Variants in KCNT2 observed in about 807,000 individuals in gnomAD.
KCNT2 encodes potassium sodium-activated channel subfamily T member 2, also known as potassium channel subfamily T member 2.
Under a neutral mutation model 153.8 loss-of-function variants are expected in KCNT2, and 67 were observed. The ratio of observed to expected loss-of-function variants is 0.44; its 90% confidence interval spans 0.36 to 0.53. The LOEUF (loss-of-function observed/expected upper bound fraction) is 0.53. KCNT2 is among the 20% of genes least tolerant of loss of function. The probability of loss-of-function intolerance (pLI) is 0.00; values close to 1 mark genes in which losing one functional copy is unlikely to be tolerated. For missense variants in KCNT2, 975 were observed against 1,354.8 expected, an observed-to-expected ratio of 0.72 and a Z score of 4.40; for synonymous variants, 500 against 458.8, an observed-to-expected ratio of 1.09 and a Z score of -1.15.
At chr1:196,284,248 A>AAAAAAAAAATATATATATATAT in intron 23 of KCNT2, among the ~76,000 whole-genome samples, 2 of 10,050 alleles carry the variant, frequency 2.0e-4, no homozygotes, top group African/African-American at 2.7e-4. Flanking sequence ...AAAAAAAAAA[A>AAAAAAAAAATATATATATATAT]ATATATATAT....
intron 13 of KCNT2, among the ~76,000 whole-genome samples, chr1:196,389,625 CAAATGAGA>C (rs1670298364): frequency 6.6e-6 from 1 of 151,642 alleles, no homozygotes; most frequent in Non-Finnish European, 1.5e-5. Context: ...TGTCAAACCT[CAAATGAGA>C]TTATAGATCA....
chr1:196,317,342 T>C (rs1662822722), intron 20 of KCNT2: 2 of 399,268 alleles, frequency 5.0e-6, no homozygotes, highest in Admixed American at 2.7e-5. Flanking sequence ...ATCCAACCAC[T>C]ATGATGACCT....
At chr1:196,426,467 T>A (rs566405989) in intron 10 of KCNT2, among the ~76,000 whole-genome samples, 1 of 151,980 alleles carries the variant, frequency 6.6e-6, no homozygotes, top group African/African-American at 2.4e-5. Flanking sequence ...AATATTTGAA[T>A]GAATAAGGAT....
At position 196,279,860 on chromosome 1, in the gene KCNT2, AC is replaced by A. The variant is rs564795706; in HGVS notation, c.2910+999del. Among the ~76,000 whole-genome samples, 16 of 152,116 alleles carry A rather than the reference AC, an allele frequency of 1.1e-4. No homozygotes were observed. In the South Asian group the frequency reaches 3.3e-3, roughly 32 times the overall value. ...ATTTGATCAGCAACAACAAAAATCT[AC>A]CCCGTTATCTTTATGCTTTCTATAA... On this transcript the variant is annotated intron_variant, in intron 25 of 27. Coordinates refer to ENST00000294725, the MANE Select transcript of KCNT2 (RefSeq NM_198503.5).
chr1:196,284,280 G>T (rs1452268803), intron 23 of KCNT2, among the ~76,000 whole-genome samples: 69 of 45,994 alleles, frequency 1.5e-3, no homozygotes, highest in Non-Finnish European at 2.1e-3. Flanking sequence ...TATATATATA[G>T]TTCTAGTTCA....
intron 1 of KCNT2, among the ~76,000 whole-genome samples, chr1:196,575,549 C>T (rs1661251442): frequency 1.3e-5 from 2 of 151,290 alleles, no homozygotes; most frequent in African/African-American, 4.8e-5. Flanking sequence ...ATCGTGCAAA[C>T]CAACAGATTA....
chr1:196,580,931 C>A (rs1469215783), intron 1 of KCNT2, among the ~76,000 whole-genome samples: 1 of 152,084 alleles, frequency 6.6e-6, no homozygotes, highest in Non-Finnish European at 1.5e-5. Flanking sequence ...TTTACTTGTT[C>A]TTGTTTTCTT....
chr1:196,469,058 C>A lies in KCNT2; in HGVS notation c.395G>T (p.Trp132Leu). 6.3e-7 allele frequency: 1 copy of A among 1,588,878 alleles called. No individual in the cohort carries two copies. Among genetic ancestry groups the A allele is most frequent in the East Asian group, 2.3e-5 (1 of 44,428 alleles). The change falls in exon 6 of 28, where the codon TGG becomes TTG. Residue 132 changes from tryptophan to leucine, a missense_variant. Physicochemically the swap from Trp to Leu is moderately conservative, Grantham distance 61. This residue lies in a region of KCNT2 where 140 missense variants were observed against 216.0 expected (regional missense o/e 0.65). Transcript: ENST00000294725. The stretch of plus-strand genomic sequence containing the variant: ...GAAGGGTATTCGTAAAATCTGTTCC[C>A]AGATGTTTCCCTTCCAAGAAAGAAT... Reference protein sequence around the residue: ...LGYLSYKGNIWEQILRIPFIL... With the variant: ...LGYLSYKGNILEQILRIPFIL...
At chr1:196,256,522 G>T (rs1656513577) in intron 26 of KCNT2, among the ~76,000 whole-genome samples, 1 of 151,408 alleles carries the variant, frequency 6.6e-6, no homozygotes, top group Middle Eastern at 3.2e-3. Context: ...CTAACTCTTT[G>T]AAAAAAATAT....
In KCNT2 at chr1:196,334,186, T is replaced by C. The variant is rs1436823619; in HGVS notation, c.1784-126A>G. 6.5e-6 allele frequency: 4 copies of C among 612,126 alleles called. No individual in the cohort carries two copies. The African/African-American group carries it at 7.4e-5, about 11-fold the overall frequency. The allele number at this position is 612,126 out of a possible 1,614,324, so 37.9% of individuals were successfully genotyped here. A position where few individuals can be genotyped will look rare whatever the true frequency, so the allele number is the denominator to read the frequency against. On this transcript the variant is annotated intron_variant, in intron 16 of 27. Coordinates refer to ENST00000294725, the MANE Select transcript of KCNT2 (RefSeq NM_198503.5). ...TATATATAGAGAGAGTATATATTTA[T>C]GCGTGTGGTGTATAAGTTTAGTTCT...
At chr1:196,363,953 T>G (rs1340109020) in intron 14 of KCNT2, among the ~76,000 whole-genome samples, 1 of 152,144 alleles carries the variant, frequency 6.6e-6, no homozygotes, top group Non-Finnish European at 1.5e-5. Context: ...TTTGTTTATA[T>G]ACATTGAAAA....
intron 1 of KCNT2, among the ~76,000 whole-genome samples, chr1:196,595,648 G>C (rs939279362): frequency 1.3e-5 from 2 of 152,022 alleles, no homozygotes; most frequent in South Asian, 4.1e-4. Context: ...TTGTAATACT[G>C]TACTGGGTTT....
At chr1:196,247,611 G>T (rs539129764) in intron 26 of KCNT2, among the ~76,000 whole-genome samples, 89 of 152,238 alleles carry the variant, frequency 5.8e-4, no homozygotes, top group Admixed American at 2.6e-3. Context: ...TCACATGATG[G>T]CATGAAGGAG....
At chr1:196,439,486 C>T (rs1053207183) in intron 8 of KCNT2, among the ~76,000 whole-genome samples, 10 of 151,968 alleles carry the variant, frequency 6.6e-5, no homozygotes, top group Admixed American at 5.3e-4. Context: ...AACAAATATG[C>T]CCCTTGACAA....
At chr1:196,506,524 T>A (rs770054832) in intron 1 of KCNT2, among the ~76,000 whole-genome samples, 7 of 152,190 alleles carry the variant, frequency 4.6e-5, no homozygotes, top group Non-Finnish European at 1.0e-4. Context: ...CAATAATTAA[T>A]CTGCTCACCT....
intron 1 of KCNT2, among the ~76,000 whole-genome samples, chr1:196,526,120 T>C (rs947765714): frequency 5.3e-5 from 8 of 151,596 alleles, no homozygotes; most frequent in African/African-American, 1.9e-4. Flanking sequence ...TGTGTTAACA[T>C]TTGAGGAACA....
At chr1:196,390,887 A>AT (rs1243956099) in intron 13 of KCNT2, among the ~76,000 whole-genome samples, 5 of 111,746 alleles carry the variant, frequency 4.5e-5, no homozygotes, top group Admixed American at 1.9e-4. Flanking sequence ...GATCTCATTC[A>AT]TTCTTTTTTT....
rs560228255 is a variant in KCNT2, at chr1:196,586,146, C to A, written c.95+22069G>T. On this transcript the variant is annotated intron_variant, in intron 1 of 27. Transcript: ENST00000294725. Reference sequence around the variant, plus strand: ...AGGCGTAGTGGCAAGTGCCTGTGGTCCCAGCTACTTGGGAGGCTGAGACAG... The same window carrying A: ...AGGCGTAGTGGCAAGTGCCTGTGGTACCAGCTACTTGGGAGGCTGAGACAG... Among the ~76,000 whole-genome samples the A allele has an allele frequency of 4.1e-4, 63 of 152,146 alleles. 1 individual carries two copies. The highest frequency in any genetic ancestry group is 3.4e-3 in the Middle Eastern group (1 of 294).
chr1:196,379,062 CA>C (rs1179271807), intron 13 of KCNT2, among the ~76,000 whole-genome samples: 2 of 151,752 alleles, frequency 1.3e-5, no homozygotes, highest in Non-Finnish European at 2.9e-5. Context: ...TCTGATGGGA[CA>C]ATGTGCAGAA....
Sources: allele counts gnomAD v4.1 joint callset (sites outside exome capture counted in the v4.1 genomes callset), GRCh38; gene constraint gnomAD v4.1.1; regional missense constraint gnomAD v4.1.1; transcripts MANE v1.5; gene names NCBI Gene and HGNC (gene_info 2026-07-23, HGNC 2026-07-21).